Variants in FAM171B observed in about 807,000 individuals in gnomAD.
FAM171B encodes the protein family with sequence similarity 171 member B.
Under a neutral mutation model 75.6 loss-of-function variants are expected in FAM171B, and 19 were observed. That is an observed-to-expected ratio of 0.25 (90% CI 0.18 to 0.37). The LOEUF (loss-of-function observed/expected upper bound fraction) is 0.37. Ranked by LOEUF, FAM171B falls within the 10% of genes least tolerant of loss-of-function variation. The probability of loss-of-function intolerance (pLI) is 1.00; values close to 1 mark genes in which losing one functional copy is unlikely to be tolerated. For synonymous variants in FAM171B, 367 were observed against 361.7 expected (o/e 1.01, Z -0.17); for missense variants, 848 against 982.4 (o/e 0.86, Z 1.83).
chr2:186,700,307 A>G (rs1386161341), intron 1 of FAM171B, among the ~76,000 whole-genome samples: 1 of 151,678 alleles, frequency 6.6e-6, no homozygotes, highest in Non-Finnish European at 1.5e-5. Flanking sequence ...ATTTTAGTGT[A>G]CACTCTTGAC....
intron 1 of FAM171B, among the ~76,000 whole-genome samples, chr2:186,730,436 C>T (rs937321316): frequency 1.3e-5 from 2 of 152,158 alleles, no homozygotes; most frequent in Non-Finnish European, 2.9e-5. Flanking sequence ...TTTATTATGT[C>T]AGCTCTAACT....
intron 1 of FAM171B, among the ~76,000 whole-genome samples, chr2:186,705,468 G>T (rs1166293160): frequency 2.0e-5 from 3 of 151,986 alleles, no homozygotes; most frequent in South Asian, 2.1e-4. Flanking sequence ...GGTGTAGGGG[G>T]TTCCTGGGAA....
chr2:186,696,781 G>T (rs748583121), intron 1 of FAM171B, among the ~76,000 whole-genome samples: 2 of 152,014 alleles, frequency 1.3e-5, no homozygotes, highest in Non-Finnish European at 2.9e-5. Context: ...TCCTGACCAG[G>T]TGTTTAAAAT....
rs1490086134 is a variant in FAM171B, at chr2:186,753,923, AC to A, written c.896-8del. 6.2e-7 allele frequency: 1 copy of A among 1,608,316 alleles called. No individual in the cohort carries two copies. The highest frequency in any genetic ancestry group is 2.2e-5 in the East Asian group (1 of 44,794). On this transcript the variant is annotated splice_polypyrimidine_tract_variant and intron_variant, in intron 5 of 7. Coordinates refer to ENST00000304698, the MANE Select transcript of FAM171B (RefSeq NM_177454.4). ...TAACTGTAACAAGTATTTTTTACAT[AC>A]CTTTTTAGGTGCTTGGGTAAATCAT...
rs778591740 is a variant in FAM171B at position 186,762,628 on chromosome 2, C to T, written c.2286C>T (p.His762=). Residue 762 remains histidine, a synonymous_variant, in exon 8 of 8, where the codon CAC becomes CAT. Transcript: ENST00000304698. This position sits in a 1 kb window ranked among gnomAD's most constrained non-coding sequence, Gnocchi z 4.0. ...CCCCTGAGGACCCAGCTTTAAGGCA[C>T]ATCCTAGATGGAGGGAGTGGAGTGA... The part of the protein sequence containing the change: ...VCSPEDPALR[H]ILDGGSGVIM... 1.9e-6 allele frequency: 3 copies of T among 1,613,342 alleles called. No individual in the cohort carries two copies. Among genetic ancestry groups the T allele is most frequent in the South Asian group, 2.2e-5 (2 of 91,064 alleles).
intron 3 of FAM171B, among the ~76,000 whole-genome samples, chr2:186,746,058 A>G (rs1460088913): frequency 1.3e-5 from 2 of 152,166 alleles, no homozygotes; most frequent in African/African-American, 4.8e-5. Context: ...AATTTAATTG[A>G]TTGCTTCTGT....
intron 2 of FAM171B, among the ~76,000 whole-genome samples, chr2:186,741,566 G>A (rs1451969792): frequency 6.6e-6 from 1 of 152,078 alleles, no homozygotes; most frequent in Non-Finnish European, 1.5e-5. Flanking sequence ...CAAATGGTTA[G>A]TACATATGAC....
rs1057012023 is a variant in FAM171B, at chr2:186,694,551, C to T, written c.238+140C>T. 3.8e-5 allele frequency: 47 copies of T among 1,244,956 alleles called. No individual in the cohort carries two copies. In the Middle Eastern group the frequency reaches 7.7e-4, roughly 20 times the overall value. 77.1% of individuals were successfully genotyped at this position (1,244,956 alleles called of 1,614,324 possible). ...ATCCCTCCCGATCTCTCTCCCCAGA[C>T]TGGCTGCCCAGCCTTTGGTCCCTTG... On this transcript the variant is annotated intron_variant, in intron 1 of 7. Coordinates refer to ENST00000304698, the MANE Select transcript of FAM171B (RefSeq NM_177454.4).
In FAM171B at chr2:186,765,563, A is replaced by T. The variant is rs1690687113; in HGVS notation, c.*2740A>T. 1 of 152,054 alleles carries T rather than the reference A, an allele frequency of 6.6e-6. No individual in the cohort carries two copies. 9.4% of individuals were successfully genotyped at this position (152,054 alleles called of 1,614,324 possible). A position where few individuals can be genotyped will look rare whatever the true frequency, so the allele number is the denominator to read the frequency against. On this transcript the variant is annotated 3_prime_UTR_variant, in exon 8 of 8. Coordinates refer to ENST00000304698, the MANE Select transcript of FAM171B (RefSeq NM_177454.4). ...AATGAAAGCACTTCTTTGCTTTGGC[A>T]ATCATTTTCAGACCACTATGTGTTT...
chr2:186,763,892 T>C lies in FAM171B; in HGVS notation c.*1069T>C, dbSNP rs1015068687. 1.3e-5 allele frequency: 2 copies of C among 152,110 alleles called. No homozygotes were observed. 9.4% of individuals were successfully genotyped at this position (152,110 alleles called of 1,614,324 possible). The stretch of plus-strand genomic sequence containing the variant: ...GGATAGTTGTATATCCAGTTATTGA[T>C]TTTCTTAAAAGATGTGTAAGGAAAA... On this transcript the variant is annotated 3_prime_UTR_variant, in exon 8 of 8. Transcript: ENST00000304698.
At chr2:186,751,609 A>C (rs1481443165) in intron 5 of FAM171B, among the ~76,000 whole-genome samples, 1 of 152,172 alleles carries the variant, frequency 6.6e-6, no homozygotes, top group Non-Finnish European at 1.5e-5. Context: ...TTTTGTTTTG[A>C]TAAGCTCATA....
chr2:186,747,023 C>A, intron 3 of FAM171B, 69 bp from the exon 4 acceptor site: 1 of 1,170,312 alleles, frequency 8.5e-7, no homozygotes, highest in Non-Finnish European at 1.2e-6. Context: ...TAAAGTAAGA[C>A]ATCCTGACCA....
intron 1 of FAM171B, among the ~76,000 whole-genome samples, chr2:186,711,854 T>C: frequency 6.6e-6 from 1 of 152,210 alleles, no homozygotes; most frequent in South Asian, 2.1e-4. Flanking sequence ...ACTTTCTCCA[T>C]GAGGCTTTTT....
At chr2:186,756,766 G>A (rs1486250374) in intron 6 of FAM171B, among the ~76,000 whole-genome samples, 4 of 152,136 alleles carry the variant, frequency 2.6e-5, no homozygotes, top group Admixed American at 2.6e-4. Context: ...CCCATTGCAA[G>A]CAGCAGGTTC....
In FAM171B at chr2:186,762,030, C is replaced by T. The variant is rs1037139949; in HGVS notation, c.1688C>T (p.Pro563Leu). 3 of 1,613,524 alleles carry T rather than the reference C, an allele frequency of 1.9e-6. No individual in the cohort carries two copies. The highest frequency in any genetic ancestry group is 8.5e-7 in the Non-Finnish European group (1 of 1,179,804). The change falls in exon 8 of 8, where the codon CCA becomes CTA. Residue 563 changes from proline to leucine, a missense_variant. Coordinates refer to ENST00000304698, the MANE Select transcript of FAM171B (RefSeq NM_177454.4). The surrounding 1 kb of genome is among the most constrained non-coding windows in gnomAD (Gnocchi z 4.0). ...CATACTGCTAAGTCAGCTACTTTGC[C>T]AAGAAAGGGACAGTTAGTCTATGGC... ...QLHTAKSATL[P>L]RKGQLVYGQL...
intron 6 of FAM171B, among the ~76,000 whole-genome samples, chr2:186,758,761 T>C (rs1690571484): frequency 6.6e-6 from 1 of 152,130 alleles, no homozygotes; most frequent in Admixed American, 6.6e-5. Flanking sequence ...ATACAGTGCA[T>C]AATAATCATG....
At chr2:186,716,631 T>C (rs1689878829) in intron 1 of FAM171B, among the ~76,000 whole-genome samples, 1 of 152,166 alleles carries the variant, frequency 6.6e-6, no homozygotes, top group Admixed American at 6.5e-5. Flanking sequence ...GTATGCTGGG[T>C]GCAATGATCT....
chr2:186,747,324 T>C, intron 4 of FAM171B, 74 bp downstream of exon 4: 1 of 1,028,588 alleles, frequency 9.7e-7, no homozygotes, highest in South Asian at 2.3e-5. Context: ...TATTTAGCTA[T>C]CTATAATAGC....
chr2:186,725,171 T>C (rs1036909419), intron 1 of FAM171B, among the ~76,000 whole-genome samples: 8 of 147,068 alleles, frequency 5.4e-5, no homozygotes, highest in Non-Finnish European at 1.0e-4. Context: ...GGTGAAACCC[T>C]GTCTCTACTA....
Sources: gnomAD v4.1 joint callset for allele counts (sites outside exome capture counted in the v4.1 genomes callset) on GRCh38, gnomAD v4.1.1 for gene constraint, Gnocchi (gnomAD v3.1) non-coding constraint, MANE v1.5 for transcripts, NCBI Gene and HGNC (gene_info 2026-07-23, HGNC 2026-07-21) for gene names.